Variants in MPP7 observed in about 807,000 individuals in gnomAD.
MPP7 encodes the protein MAGUK p55 subfamily member 7.
MPP7 carries 60 observed loss-of-function variants against 76.5 expected under a neutral mutation model. The observed-to-expected ratio is 0.78, with a 90% CI of 0.64 to 0.97. The LOEUF is 0.97. Among genes scored for constraint, MPP7 ranks in the 50% least tolerant of loss-of-function variants. The probability of loss-of-function intolerance (pLI) is 0.00; values close to 1 mark genes in which losing one functional copy is unlikely to be tolerated. For missense variants in MPP7, 641 were observed against 694.0 expected, an observed-to-expected ratio of 0.92 and a Z score of 0.86; for synonymous variants, 237 against 244.5, an observed-to-expected ratio of 0.97 and a Z score of 0.29.
chr10:28,139,124 G>T (rs1835434607), intron 5 of MPP7, among the ~76,000 whole-genome samples: 1 of 152,204 alleles, frequency 6.6e-6, no homozygotes, highest in Non-Finnish European at 1.5e-5. Flanking sequence ...GCCAGGGGAA[G>T]AAGAGAGCTC....
intron 11 of MPP7, among the ~76,000 whole-genome samples, chr10:28,093,964 T>C (rs1459054301): frequency 6.6e-6 from 1 of 152,214 alleles, no homozygotes; most frequent in Non-Finnish European, 1.5e-5. Context: ...AACCCTACTA[T>C]TATTCCTGTT....
chr10:28,308,297 C>G (rs937956644), intron 2 of MPP7, among the ~76,000 whole-genome samples: 7 of 152,218 alleles, frequency 4.6e-5, no homozygotes, highest in African/African-American at 1.4e-4. Context: ...CACTGCCCCA[C>G]TGCTGCCTCA....
chr10:28,151,076 A>G (rs1835868636), intron 3 of MPP7, among the ~76,000 whole-genome samples: 1 of 152,234 alleles, frequency 6.6e-6, no homozygotes, highest in African/African-American at 2.4e-5. Context: ...ACAGGTATCA[A>G]GTAATACACT....
chr10:28,312,209 T>C (rs933381887), intron 2 of MPP7, among the ~76,000 whole-genome samples: 1 of 152,196 alleles, frequency 6.6e-6, no homozygotes, highest in African/African-American at 2.4e-5. Context: ...TCCCCTCGCA[T>C]GTTCTGTTTC....
chr10:28,099,739 A>G (rs1853731263), intron 11 of MPP7, among the ~76,000 whole-genome samples: 2 of 152,262 alleles, frequency 1.3e-5, no homozygotes, highest in Non-Finnish European at 2.9e-5. Flanking sequence ...CCCAGGAGGC[A>G]GAGGTTGTGG....
intron 1 of MPP7, among the ~76,000 whole-genome samples, chr10:28,253,402 A>C (rs1209960099): frequency 6.6e-6 from 1 of 152,134 alleles, no homozygotes; most frequent in Non-Finnish European, 1.5e-5. Flanking sequence ...TAAAACAGAA[A>C]AGGAGCCTAC....
intron 1 of MPP7, among the ~76,000 whole-genome samples, chr10:28,284,324 A>C (rs1840746956): frequency 6.6e-6 from 1 of 152,208 alleles, no homozygotes; most frequent in African/African-American, 2.4e-5. Flanking sequence ...TTGTCTAGGC[A>C]CCAAGTCTTG....
chr10:28,137,207 C>T (rs1401077229), intron 5 of MPP7, among the ~76,000 whole-genome samples: 2 of 152,162 alleles, frequency 1.3e-5, no homozygotes, highest in East Asian at 1.9e-4. Context: ...AAGAAAAATA[C>T]TGTTAACTTA....
Position 28,070,880 on chromosome 10 carries a change from GT to G in MPP7, c.1124-1029del, listed in dbSNP as rs148102006. 8.4e-3 allele frequency among the ~76,000 whole-genome samples: 1,286 copies of G among 152,292 alleles called. 10 individuals are homozygous for G. The highest frequency in any genetic ancestry group is 0.01 in the Non-Finnish European group (698 of 68,034). ...GAAATCAAAAGTTAGACAGGCATAA[GT>G]CCCCCCTTTCCAGCATTGCTTTCCA... On this transcript the variant is annotated intron_variant, in intron 12 of 16. Transcript: ENST00000683449.
Position 28,238,643 on chromosome 10 carries a change from G to C in MPP7, c.-39C>G, listed in dbSNP as rs775487382. The C allele has an allele frequency of 9.3e-6, 15 of 1,612,154 alleles. No individual in the cohort carries two copies. The highest frequency in any genetic ancestry group is 1.3e-5 in the Non-Finnish European group (15 of 1,178,646). On this transcript the variant is annotated 5_prime_UTR_variant, in exon 2 of 17. Transcript: ENST00000683449. ...GGAACAGGTCAGCCCACCGCTCTCC[G>C]GACACCCTGCCTTCGGACAGCCACA...
rs928029065 is a variant in MPP7 at position 28,051,588 on chromosome 10, G to C, written c.*2477C>G. The C allele has an allele frequency of 3.9e-5, 6 of 152,110 alleles. No individual in the cohort carries two copies. Among genetic ancestry groups the C allele is most frequent in the African/African-American group, 9.7e-5 (4 of 41,432 alleles). The allele number at this position is 152,110 out of a possible 1,614,324, so 9.4% of individuals were successfully genotyped here. ...AACTTAGGGAGCTGGCTTCTGGAGG[G>C]AGGAGTGCTATTCTCCTTGCTGGAG... On this transcript the variant is annotated 3_prime_UTR_variant, in exon 17 of 17. Transcript: ENST00000683449.
intron 1 of MPP7, among the ~76,000 whole-genome samples, chr10:28,254,100 C>T (rs1357795816): frequency 7.3e-6 from 1 of 137,246 alleles, no homozygotes; most frequent in Non-Finnish European, 1.6e-5. Context: ...CTTGAATTAA[C>T]AAAATGGGAC....
At chr10:28,287,228 G>A (rs1840809531) in intron 1 of MPP7, among the ~76,000 whole-genome samples, 1 of 152,106 alleles carries the variant, frequency 6.6e-6, no homozygotes, top group African/African-American at 2.4e-5. Context: ...TGGAAAAATT[G>A]TATCTGCCAC....
chr10:28,118,841 C>T, intron 11 of MPP7: 1 of 985,374 alleles, frequency 1.0e-6, no homozygotes, highest in Non-Finnish European at 1.2e-6. Flanking sequence ...AAAAATGCAA[C>T]AATACTAAAA....
intron 2 of MPP7, among the ~76,000 whole-genome samples, chr10:28,218,844 A>G (rs184756146): frequency 6.6e-6 from 1 of 152,334 alleles, no homozygotes; most frequent in East Asian, 1.9e-4. Context: ...AATACCCAGC[A>G]CGACCTAGGG....
chr10:28,318,420 T>A (rs1355443331), intron 2 of MPP7, among the ~76,000 whole-genome samples: 5 of 152,198 alleles, frequency 3.3e-5, no homozygotes, highest in African/African-American at 1.2e-4. Context: ...GCATGGTGGC[T>A]GACTCCTGTA....
At chr10:28,328,648 A>G (rs1165996383) in intron 2 of MPP7, among the ~76,000 whole-genome samples, 2 of 150,746 alleles carry the variant, frequency 1.3e-5, no homozygotes, top group Non-Finnish European at 2.9e-5. Context: ...TTTCTGTTAC[A>G]CTGGAAAGAT....
In MPP7 at chr10:28,278,756, A is replaced by G. The variant is rs1038142574; in HGVS notation, c.-132+24105T>C. On this transcript the variant is annotated intron_variant, in intron 1 of 16. Transcript: ENST00000683449. The stretch of plus-strand genomic sequence containing the variant: ...CTACTTCTGAGAAGAGAGGGAAATA[A>G]AACTGGAAAGGGGAACAAAGTATAT... 2.6e-5 allele frequency among the ~76,000 whole-genome samples: 4 copies of G among 151,988 alleles called. No homozygotes were observed. In the East Asian group the frequency reaches 7.7e-4, roughly 29 times the overall value.
chr10:28,137,176 G>C (rs1430488049), intron 5 of MPP7, among the ~76,000 whole-genome samples: 1 of 152,136 alleles, frequency 6.6e-6, no homozygotes, highest in African/African-American at 2.4e-5. Flanking sequence ...AAACAATGGA[G>C]CAACATCTTT....
Sources: allele counts gnomAD v4.1 joint callset (sites outside exome capture counted in the v4.1 genomes callset), GRCh38; gene constraint gnomAD v4.1.1; transcripts MANE v1.5; gene names NCBI Gene and HGNC (gene_info 2026-07-23, HGNC 2026-07-21).